RARB: variants seen among roughly 807,000 people sequenced by gnomAD.
RARB encodes the protein retinoic acid receptor beta.
RARB carries 17 observed loss-of-function variants against 51.9 expected under a neutral mutation model. The observed-to-expected ratio is 0.33, with a 90% CI of 0.22 to 0.49. The LOEUF (loss-of-function observed/expected upper bound fraction) is 0.49. RARB is among the 20% of genes least tolerant of loss of function. The pLI, the probability that RARB is intolerant of heterozygous loss-of-function variation, is 0.99. For missense variants in RARB, 369 were observed against 550.8 expected (o/e 0.67, Z 3.30); for synonymous variants, 215 against 195.4 (o/e 1.10, Z -0.84).
chr3:25,446,722 G>A (rs1276414181), intron 1 of RARB, among the ~76,000 whole-genome samples: 1 of 141,536 alleles, frequency 7.1e-6, no homozygotes, highest in East Asian at 2.1e-4. Context: ...AGAATAGCGT[G>A]AACCCGGGAG....
chr3:24,979,252 T>C (rs1409584414), intron 2 of RARB, among the ~76,000 whole-genome samples: 1 of 152,212 alleles, frequency 6.6e-6, no homozygotes, highest in Non-Finnish European at 1.5e-5. Context: ...GAAAGTTCTG[T>C]AGATGTCTAT....
intron 2 of RARB, among the ~76,000 whole-genome samples, chr3:24,938,067 C>A (rs1384116003): frequency 3.3e-5 from 5 of 151,962 alleles, no homozygotes; most frequent in Middle Eastern, 6.8e-3. Flanking sequence ...TAATGATTTG[C>A]ATGGTGGTGG....
At chr3:25,006,091 C>A (rs970500863) in intron 2 of RARB, among the ~76,000 whole-genome samples, 3 of 152,098 alleles carry the variant, frequency 2.0e-5, no homozygotes, top group Non-Finnish European at 4.4e-5. Context: ...TCTTCATTTT[C>A]TTTTGGTCTT....
intron 5 of RARB, among the ~76,000 whole-genome samples, chr3:25,221,012 T>G (rs868711698): frequency 6.1e-5 from 7 of 115,526 alleles, no homozygotes; most frequent in Middle Eastern, 8.7e-3. Context: ...CTCCCTCCCC[T>G]GCTACACACA....
At chr3:25,186,416 C>T (rs560420686) in intron 5 of RARB, among the ~76,000 whole-genome samples, 4 of 152,110 alleles carry the variant, frequency 2.6e-5, no homozygotes, top group African/African-American at 9.6e-5. Context: ...TATTCAGATT[C>T]GATTTCAACC....
chr3:24,899,215 G>T (rs1043972762), intron 2 of RARB, among the ~76,000 whole-genome samples: 3 of 152,060 alleles, frequency 2.0e-5, no homozygotes, highest in Non-Finnish European at 4.4e-5. Flanking sequence ...ACCAAGCATG[G>T]AGCCCTTTGA....
chr3:25,509,978 C>G (rs1220676430), intron 3 of RARB, among the ~76,000 whole-genome samples: 1 of 152,212 alleles, frequency 6.6e-6, no homozygotes, highest in Middle Eastern at 3.2e-3. Context: ...GCCTCCTCAG[C>G]AAGACTGCTT....
chr3:25,377,972 A>G (rs926528166), intron 5 of RARB, among the ~76,000 whole-genome samples: 1 of 152,172 alleles, frequency 6.6e-6, no homozygotes, highest in African/African-American at 2.4e-5. Flanking sequence ...TTTAAATTCA[A>G]AAATATTTGT....
At chr3:25,447,381 G>T (rs1326981210) in intron 1 of RARB, among the ~76,000 whole-genome samples, 1 of 152,130 alleles carries the variant, frequency 6.6e-6, no homozygotes, top group African/African-American at 2.4e-5. Context: ...TTTTCTAGCT[G>T]GGGCCATGTT....
chr3:25,578,551 T>C (rs928691019), intron 4 of RARB, among the ~76,000 whole-genome samples: 2 of 152,242 alleles, frequency 1.3e-5, no homozygotes, highest in Non-Finnish European at 2.9e-5. Context: ...CTCTCTTCCG[T>C]GTCATCTTCC....
chr3:25,542,922 A>G (rs898601042), intron 3 of RARB, among the ~76,000 whole-genome samples: 8 of 151,842 alleles, frequency 5.3e-5, no homozygotes, highest in African/African-American at 1.9e-4. Flanking sequence ...TCACATAGTT[A>G]GTGGTGGTGG....
chr3:25,011,445 C>A (rs1040106155), intron 2 of RARB, among the ~76,000 whole-genome samples: 4 of 151,986 alleles, frequency 2.6e-5, no homozygotes, highest in Non-Finnish European at 4.4e-5. Context: ...ATGGTAAAGC[C>A]AAGTGTTGGC....
At chr3:24,923,407 G>A (rs1417916663) in intron 2 of RARB, among the ~76,000 whole-genome samples, 2 of 152,154 alleles carry the variant, frequency 1.3e-5, no homozygotes, top group Non-Finnish European at 2.9e-5. Context: ...CAGTAATGCG[G>A]TATAATTAGT....
At chr3:25,527,821 A>G (rs1027601858) in intron 3 of RARB, among the ~76,000 whole-genome samples, 2 of 151,872 alleles carry the variant, frequency 1.3e-5, no homozygotes, top group South Asian at 2.1e-4. Flanking sequence ...GATTTAAGAG[A>G]AAACAAAACA....
exon 1 of RARB, among the ~76,000 whole-genome samples, chr3:24,829,347 G>T (rs1490220179): frequency 1.3e-5 from 2 of 152,044 alleles, no homozygotes; most frequent in Non-Finnish European, 2.9e-5. Flanking sequence ...GGCGGCAGGG[G>T]CTGAGGGCAC....
At chr3:25,594,334 A>AG (rs923665716) in intron 6 of RARB, among the ~76,000 whole-genome samples, 186 bp from the exon 7 acceptor site, 16 of 152,120 alleles carry the variant, frequency 1.1e-4, no homozygotes, top group South Asian at 4.2e-4. Context: ...TATACTACCA[A>AG]GGGGGGGCAG....
At chr3:24,954,667 G>T (rs1196705044) in intron 2 of RARB, among the ~76,000 whole-genome samples, 1 of 152,148 alleles carries the variant, frequency 6.6e-6, no homozygotes, top group Non-Finnish European at 1.5e-5. Flanking sequence ...GAGAGGGAGA[G>T]AAGGGGGTGG....
intron 2 of RARB, among the ~76,000 whole-genome samples, chr3:24,980,450 T>C (rs1696633243): frequency 6.6e-6 from 1 of 152,212 alleles, no homozygotes; most frequent in Non-Finnish European, 1.5e-5. Flanking sequence ...CCCATATTTC[T>C]TGGAGGCTTT....
chr3:25,007,611 AAC>A (rs1697303784), intron 2 of RARB, among the ~76,000 whole-genome samples: 1 of 150,446 alleles, frequency 6.6e-6, no homozygotes, highest in Non-Finnish European at 1.5e-5. Flanking sequence ...AAAACAAAAA[AAC>A]CTCATATTTT....
Sources: gnomAD v4.1 joint callset for allele counts (sites outside exome capture counted in the v4.1 genomes callset) on GRCh38, gnomAD v4.1.1 for gene constraint, MANE v1.5 for transcripts, NCBI Gene and HGNC (gene_info 2026-07-23, HGNC 2026-07-21) for gene names.